The following CACNA1G variants were observed in gnomAD, a reference collection of about 807,000 sequenced individuals.
CACNA1G encodes calcium voltage-gated channel subunit alpha1 G, also known as voltage-dependent T-type calcium channel subunit alpha-1G.
A neutral mutation model predicts 219.4 loss-of-function variants in CACNA1G; 67 were observed. The ratio of observed to expected loss-of-function variants is 0.31; its 90% confidence interval spans 0.25 to 0.37. The LOEUF (loss-of-function observed/expected upper bound fraction) is 0.37. Ranked by LOEUF, CACNA1G falls within the 10% of genes least tolerant of loss-of-function variation. The pLI is 1.00. For missense variants in CACNA1G, 2,380 were observed against 3,231.4 expected (o/e 0.74, Z 6.39); for synonymous variants, 1,296 against 1,345.3 (o/e 0.96, Z 0.80).
intron 1 of CACNA1G, among the ~76,000 whole-genome samples, chr17:50,564,481 G>T (rs1400273704): frequency 1.4e-5 from 2 of 144,170 alleles, no homozygotes; most frequent in African/African-American, 5.2e-5. Flanking sequence ...GGGGCCAGAG[G>T]GGGAGAGGGG....
In CACNA1G at chr17:50,570,837, G is replaced by GGA. The variant is rs573130580; in HGVS notation, c.586+1037_587-1037dup. Among the ~76,000 whole-genome samples, 248 of 152,290 alleles carry GGA rather than the reference G, an allele frequency of 1.6e-3. 2 individuals are homozygous for GGA. The highest frequency in any genetic ancestry group is 5.5e-3 in the African/African-American group (229 of 41,556). ...GGGGATGGGGTAGGAGGAGGGGGAGGGAGACTGAGTGAGAAAACTGGGCTG... is the reference window on the plus strand; with the variant it reads ...GGGGATGGGGTAGGAGGAGGGGGAGGGAGAGACTGAGTGAGAAAACTGGGCTG... On this transcript the variant is annotated intron_variant, in intron 4 of 37. Transcript: ENST00000359106.
Position 50,624,521 on chromosome 17 carries a change from A to C in CACNA1G, c.6391A>C (p.Arg2131=). 1 of 1,588,846 alleles carries C rather than the reference A, an allele frequency of 6.3e-7. No homozygotes were observed. Among genetic ancestry groups the C allele is most frequent in the Non-Finnish European group, 8.6e-7 (1 of 1,167,592 alleles). Residue 2131 remains arginine, a synonymous_variant, in exon 37 of 38, where the codon AGG becomes CGG. Coordinates refer to ENST00000359106, the MANE Select transcript of CACNA1G (RefSeq NM_018896.5). ...GRSPLAQRPL[R]RQAAIRTDSL... ...CTCCCCTTTGGCTCAGAGGCCACTC[A>C]GGCGCCAGGTGAGCAGATGTGGAAA...
chr17:50,580,898 C>T (rs1005632607), intron 9 of CACNA1G, among the ~76,000 whole-genome samples: 1 of 152,138 alleles, frequency 6.6e-6, no homozygotes, highest in Admixed American at 6.5e-5. Flanking sequence ...GTGAACGTCC[C>T]GCCATCTGGG....
intron 3 of CACNA1G, 23 bp downstream of exon 3, chr17:50,569,321 G>A (rs1219250965): frequency 1.2e-6 from 2 of 1,612,700 alleles, no homozygotes; most frequent in Non-Finnish European, 1.7e-6. Flanking sequence ...GCTGGGGTGG[G>A]AGAGCAATGG....
rs552998976 is a variant in CACNA1G at position 50,565,129 on chromosome 17, G to A, written c.242+3428G>A. Among the ~76,000 whole-genome samples, 106 of 129,240 alleles carry A rather than the reference G, an allele frequency of 8.2e-4. 1 individual carries two copies. The highest frequency in any genetic ancestry group is 3.5e-3 in the African/African-American group (100 of 28,444). The allele number at this position is 129,240 out of a possible 152,430, so 84.8% of individuals were successfully genotyped here. A position where few individuals can be genotyped will look rare whatever the true frequency, so the allele number is the denominator to read the frequency against. ...CTCACACGCAGACATGCGCACGCGCGCGCACACACACACGCGCACACACAC... is the reference window on the plus strand; with the variant it reads ...CTCACACGCAGACATGCGCACGCGCACGCACACACACACGCGCACACACAC... On this transcript the variant is annotated intron_variant, in intron 1 of 37. Transcript: ENST00000359106.
Position 50,606,849 on chromosome 17 carries a change from T to A in CACNA1G, c.4423-51T>A, listed in dbSNP as rs954712886. The A allele has an allele frequency of 5.8e-6, 8 of 1,377,056 alleles. No individual in the cohort carries two copies. The African/African-American group carries it at 1.0e-4, about 17-fold the overall frequency. The allele number at this position is 1,377,056 out of a possible 1,614,324, so 85.3% of individuals were successfully genotyped here. ...ACTTTGGGGGCAGGTGATAGGTGAT[T>A]CAGCCACACATCCTAGACTTCAAAT... is the stretch of plus-strand genomic sequence containing the variant. On this transcript the variant is annotated intron_variant, in intron 23 of 37. Coordinates refer to ENST00000359106, the MANE Select transcript of CACNA1G (RefSeq NM_018896.5).
chr17:50,567,216 C>T (rs1400505626), intron 1 of CACNA1G, among the ~76,000 whole-genome samples: 2 of 152,222 alleles, frequency 1.3e-5, no homozygotes, highest in Non-Finnish European at 2.9e-5. Flanking sequence ...TGTCATCTGC[C>T]TACCCCCAAA....
rs761607106 is a variant in CACNA1G, at chr17:50,578,353, C to T, written c.2090C>T (p.Thr697Ile). 40 of 1,613,214 alleles carry T rather than the reference C, an allele frequency of 2.5e-5. No homozygotes were observed. Among genetic ancestry groups the T allele is most frequent in the Non-Finnish European group, 2.8e-5 (33 of 1,179,882 alleles). Reference protein sequence around the residue: ...DSDSEAVYEFTQDAQHSDLRD... With the variant: ...DSDSEAVYEFIQDAQHSDLRD... ...GACAGCGAGGCAGTTTATGAGTTCA[C>T]ACAGGATGCCCAGCACAGCGACCTC... The change falls in exon 9 of 38, where the codon ACA becomes ATA. Residue 697 changes from threonine (T) to isoleucine (I), a missense_variant. Transcript: ENST00000359106. This position sits in a 1 kb window ranked among gnomAD's most constrained non-coding sequence, Gnocchi z 4.5.
At chr17:50,564,177 A>T (rs1253173747) in intron 1 of CACNA1G, among the ~76,000 whole-genome samples, 1 of 120,172 alleles carries the variant, frequency 8.3e-6, no homozygotes, top group African/African-American at 4.2e-5. Flanking sequence ...AAGGGAGGAC[A>T]GCAAAAGGCT....
At chr17:50,569,095 A>G in intron 2 of CACNA1G, 70 bp from the exon 3 acceptor site, 3 of 1,577,048 alleles carry the variant, frequency 1.9e-6, no homozygotes, top group Middle Eastern at 1.9e-4. Flanking sequence ...ACTGGTGGGG[A>G]CTAGGGTGGG....
intron 6 of CACNA1G, 50 bp downstream of exon 6, chr17:50,572,904 C>T: frequency 1.3e-6 from 2 of 1,592,270 alleles, no homozygotes; most frequent in Non-Finnish European, 1.7e-6. Flanking sequence ...AGCCCCAGGA[C>T]ACAGCCCAGG....
intron 1 of CACNA1G, among the ~76,000 whole-genome samples, chr17:50,567,887 C>G (rs2038346857): frequency 6.6e-6 from 1 of 152,084 alleles, no homozygotes; most frequent in African/African-American, 2.4e-5. Flanking sequence ...AGAAAGAACC[C>G]CTCTCTCCTG....
At chr17:50,564,524 G>A (rs2037112967) in intron 1 of CACNA1G, among the ~76,000 whole-genome samples, 2 of 138,850 alleles carry the variant, frequency 1.4e-5, no homozygotes, top group East Asian at 2.6e-4. Context: ...GAGAGGGGGG[G>A]GAGGCCTGAA....
intron 3 of CACNA1G, 53 bp downstream of exon 3, chr17:50,569,351 CG>C: frequency 6.3e-7 from 1 of 1,591,334 alleles, no homozygotes; most frequent in Non-Finnish European, 8.6e-7. Flanking sequence ...GTCCCTTCCC[CG>C]GGGCCAGGGT....
rs762851566 is a variant in CACNA1G, at chr17:50,626,839, A to G, written c.*88A>G. 5.1e-6 allele frequency: 8 copies of G among 1,558,584 alleles called. No individual in the cohort carries two copies. In the South Asian group the frequency reaches 8.9e-5, roughly 17 times the overall value. The stretch of plus-strand genomic sequence containing the variant: ...GGGCTATATTCCTGACAAAAGTTCC[A>G]TATAGACACCAAGGAGGCGGAGGCG... On this transcript the variant is annotated 3_prime_UTR_variant, in exon 38 of 38. Transcript: ENST00000359106. The surrounding 1 kb of genome is among the most constrained non-coding windows in gnomAD (Gnocchi z 4.3).
Position 50,599,572 on chromosome 17 carries a change from G to A in CACNA1G, c.3403G>A (p.Glu1135Lys). 6.2e-7 allele frequency: 1 copy of A among 1,613,102 alleles called. No homozygotes were observed. The highest frequency in any genetic ancestry group is 1.1e-5 in the South Asian group (1 of 90,946). The change falls in exon 17 of 38, where the codon GAA becomes AAA. Residue 1135 changes from glutamate to lysine, a missense_variant. This residue lies in a region of CACNA1G where 418 missense variants were observed against 434.3 expected (regional missense o/e 0.96). Coordinates refer to ENST00000359106, the MANE Select transcript of CACNA1G (RefSeq NM_018896.5). ...SGERRSLLSGEGQESQDEEES... is the reference protein window; with the variant it reads ...SGERRSLLSGKGQESQDEEES... ...AGAGCGGCGGTCCCTGTTGTCGGGA[G>A]AAGGCCAGGAGAGCCAGGATGAAGA...
intron 26 of CACNA1G, among the ~76,000 whole-genome samples, chr17:50,610,280 T>C (rs1011647446): frequency 7.2e-5 from 11 of 152,152 alleles, no homozygotes; most frequent in African/African-American, 2.4e-4. Context: ...CTCTCCTGTC[T>C]CCTTTTGTCT....
Position 50,617,669 on chromosome 17 carries a change from T to C in CACNA1G, c.5155+98T>C. 1 of 1,474,576 alleles carries C rather than the reference T, an allele frequency of 6.8e-7. No individual in the cohort carries two copies. Among genetic ancestry groups the C allele is most frequent in the Non-Finnish European group, 9.2e-7 (1 of 1,087,334 alleles). 91.3% of individuals were successfully genotyped at this position (1,474,576 alleles called of 1,614,324 possible). ...TGGCTGGTCAAGGCCTGGGCGGCTG[T>C]GGGTTCCCATGGGTCTTTCTCCCAG... On this transcript the variant is annotated intron_variant, in intron 29 of 37. Coordinates refer to ENST00000359106, the MANE Select transcript of CACNA1G (RefSeq NM_018896.5). The surrounding 1 kb of genome is among the most constrained non-coding windows in gnomAD (Gnocchi z 5.8).
intron 22 of CACNA1G, 74 bp downstream of exon 22, chr17:50,604,355 T>C (rs2047474898): frequency 5.8e-6 from 9 of 1,540,216 alleles, no homozygotes; most frequent in Non-Finnish European, 8.0e-6. Flanking sequence ...CTGGGTCCTA[T>C]GGCTCAAGCT....
Sources: gnomAD v4.1 joint callset for allele counts (sites outside exome capture counted in the v4.1 genomes callset) on GRCh38, gnomAD v4.1.1 for gene constraint, gnomAD v4.1.1 regional missense constraint, Gnocchi (gnomAD v3.1) non-coding constraint, MANE v1.5 for transcripts, NCBI Gene and HGNC (gene_info 2026-07-23, HGNC 2026-07-21) for gene names.